The following UTRN variants were observed in gnomAD, a reference collection of about 807,000 sequenced individuals.
UTRN encodes the protein dystrophin-related protein 1.
In UTRN, 283 loss-of-function variants were observed where a neutral mutation model predicts 463.9. The observed-to-expected ratio is 0.61, with a 90% confidence interval of 0.55 to 0.67. The LOEUF (loss-of-function observed/expected upper bound fraction) is 0.67. Ranked by LOEUF, UTRN falls within the 30% of genes least tolerant of loss-of-function variation. The pLI is 0.00. For missense variants in UTRN, 3,922 were observed against 4,084.3 expected (o/e 0.96, Z 1.08); for synonymous variants, 1,442 against 1,431.5 (o/e 1.01, Z -0.17).
At chr6:144,349,301 C>T (rs1190689436) in intron 2 of UTRN, among the ~76,000 whole-genome samples, 3 of 152,216 alleles carry the variant, frequency 2.0e-5, no homozygotes, top group Admixed American at 2.0e-4. Flanking sequence ...AGCCACGGCG[C>T]CTGGCCCTGA....
chr6:144,832,389 TA>T (rs1206577739), intron 69 of UTRN, among the ~76,000 whole-genome samples: 1 of 152,230 alleles, frequency 6.6e-6, no homozygotes, highest in African/African-American at 2.4e-5. Flanking sequence ...ATAATTATAA[TA>T]ATGTGTTAAA....
In UTRN at chr6:144,741,458, A is replaced by G. The variant is rs182695897; in HGVS notation, c.7940-6788A>G. On this transcript the variant is annotated intron_variant, in intron 54 of 74. Coordinates refer to ENST00000367545, the MANE Select transcript of UTRN (RefSeq NM_007124.3). ...GTACAGAGATTGATTTATGCATTTA[A>G]CAAGTACGTTTTGAGTGCCTACCAT... 5.2e-3 allele frequency among the ~76,000 whole-genome samples: 794 copies of G among 152,316 alleles called. 6 individuals carry two copies. Among genetic ancestry groups the G allele is most frequent in the Non-Finnish European group, 9.2e-3 (625 of 68,032 alleles).
At chr6:144,359,631 A>G (rs990153036) in intron 2 of UTRN, among the ~76,000 whole-genome samples, 2 of 152,102 alleles carry the variant, frequency 1.3e-5, no homozygotes, top group Non-Finnish European at 2.9e-5. Context: ...CAATTTCTGT[A>G]ATTACTAGCC....
chr6:144,444,320 G>A lies in UTRN; in HGVS notation c.1552G>A (p.Glu518Lys). The A allele has an allele frequency of 6.2e-7, 1 of 1,611,958 alleles. No homozygotes were observed. Among genetic ancestry groups the A allele is most frequent in the Non-Finnish European group, 8.5e-7 (1 of 1,178,752 alleles). ...ERWTAVCRWT[E>K]ERWNRLQEIN... ...CTGGACAGCAGTATGCCGTTGGACT[G>A]AAGAACGCTGGAATAGGTTACAAGA... The change falls in exon 14 of 75, where the codon GAA becomes AAA. Residue 518 changes from glutamate to lysine, a missense_variant. Physicochemically the swap from Glu to Lys is moderately conservative, Grantham distance 56 (BLOSUM62 1). Coordinates refer to ENST00000367545, the MANE Select transcript of UTRN (RefSeq NM_007124.3).
At chr6:144,450,155 C>T (rs370481490) in intron 17 of UTRN, among the ~76,000 whole-genome samples, 4 of 152,250 alleles carry the variant, frequency 2.6e-5, no homozygotes, top group South Asian at 2.1e-4. Context: ...GTTCTCGACT[C>T]GTCTCTCTTT....
intron 50 of UTRN, among the ~76,000 whole-genome samples, chr6:144,562,691 A>C (rs1178618456): frequency 6.6e-6 from 1 of 152,156 alleles, no homozygotes; most frequent in Non-Finnish European, 1.5e-5. Flanking sequence ...TTATAATAGA[A>C]TGATTTATAT....
At chr6:144,439,482 T>C (rs1405697255) in intron 12 of UTRN, among the ~76,000 whole-genome samples, 1 of 151,836 alleles carries the variant, frequency 6.6e-6, no homozygotes, top group African/African-American at 2.4e-5. Flanking sequence ...AGTATTTAAA[T>C]AAATTTTCTT....
At chr6:144,562,194 T>TA (rs1193621873) in intron 50 of UTRN, among the ~76,000 whole-genome samples, 2 of 152,130 alleles carry the variant, frequency 1.3e-5, no homozygotes, top group Non-Finnish European at 2.9e-5. Flanking sequence ...ATTATTTATT[T>TA]AAAAAAATAT....
intron 2 of UTRN, among the ~76,000 whole-genome samples, chr6:144,390,345 A>G (rs1038898284): frequency 2.0e-5 from 3 of 152,128 alleles, no homozygotes; most frequent in Non-Finnish European, 2.9e-5. Flanking sequence ...TAGCACGGGC[A>G]ATTCTAATAA....
At chr6:144,637,548 T>C (rs1298610153) in intron 51 of UTRN, among the ~76,000 whole-genome samples, 1 of 152,006 alleles carries the variant, frequency 6.6e-6, no homozygotes, top group Non-Finnish European at 1.5e-5. Context: ...TCTTCCTAAG[T>C]ACCACACCCA....
At chr6:144,722,270 A>T (rs1253817072) in intron 53 of UTRN, among the ~76,000 whole-genome samples, 1 of 151,432 alleles carries the variant, frequency 6.6e-6, no homozygotes, top group Admixed American at 6.6e-5. Context: ...CTCTGCCTAG[A>T]TTGCTCTTTT....
chr6:144,804,399 T>C (rs1479275688), intron 65 of UTRN, among the ~76,000 whole-genome samples: 1 of 152,184 alleles, frequency 6.6e-6, no homozygotes, highest in East Asian at 1.9e-4. Context: ...ACTCAACAAA[T>C]TAATATTGAA....
chr6:144,701,274 C>T (rs907193343), intron 53 of UTRN, among the ~76,000 whole-genome samples: 1 of 150,720 alleles, frequency 6.6e-6, no homozygotes, highest in African/African-American at 2.4e-5. Context: ...GAATTACAAA[C>T]TATCTTGTTT....
chr6:144,507,168 C>T (rs1315614582), intron 34 of UTRN, among the ~76,000 whole-genome samples: 1 of 151,780 alleles, frequency 6.6e-6, no homozygotes, highest in African/African-American at 2.4e-5. Flanking sequence ...TTTCTGTAAC[C>T]TTTTTTTCAA....
In UTRN at chr6:144,597,991, G is replaced by C. The variant is rs75996542; in HGVS notation, c.7479+20703G>C. Among the ~76,000 whole-genome samples the C allele has an allele frequency of 5.2e-3, 799 of 152,288 alleles. 6 individuals carry two copies. The highest frequency in any genetic ancestry group is 0.01 in the Middle Eastern group (3 of 294). ...GTGAAAGAATGATAGGAATTACAAT[G>C]TTTGAAACATAGGGTTGTTCCTTAT... On this transcript the variant is annotated intron_variant, in intron 51 of 74. Transcript: ENST00000367545.
At chr6:144,538,759 T>C (rs988203306) in intron 44 of UTRN, among the ~76,000 whole-genome samples, 1 of 152,106 alleles carries the variant, frequency 6.6e-6, no homozygotes, top group Non-Finnish European at 1.5e-5. Flanking sequence ...AATTCAGAGA[T>C]TTTGTCTATA....
At chr6:144,644,889 A>G (rs1585752027) in intron 51 of UTRN, among the ~76,000 whole-genome samples, 2 of 152,318 alleles carry the variant, frequency 1.3e-5, no homozygotes, top group Middle Eastern at 6.8e-3. Flanking sequence ...ATAGTATTCC[A>G]GATAAGCTGC....
At chr6:144,771,435 TA>T (rs1793990436) in intron 58 of UTRN, among the ~76,000 whole-genome samples, 1 of 152,074 alleles carries the variant, frequency 6.6e-6, no homozygotes, top group Non-Finnish European at 1.5e-5. Flanking sequence ...TAATATTTTT[TA>T]TTTTTTTGAG....
intron 53 of UTRN, among the ~76,000 whole-genome samples, chr6:144,711,832 G>A (rs1785749422): frequency 6.6e-6 from 1 of 152,152 alleles, no homozygotes; most frequent in African/African-American, 2.4e-5. Flanking sequence ...CTATATTCAA[G>A]CTTTATTATA....
Sources: allele counts gnomAD v4.1 joint callset (sites outside exome capture counted in the v4.1 genomes callset), GRCh38; gene constraint gnomAD v4.1.1; transcripts MANE v1.5; gene names NCBI Gene and HGNC (gene_info 2026-07-23, HGNC 2026-07-21).